The following ZNF584 variants were observed in gnomAD, a reference collection of about 807,000 sequenced individuals.
ZNF584 encodes the protein zinc finger protein 584.
A neutral mutation model predicts 14.7 loss-of-function variants in ZNF584; 12 were observed. The ratio of observed to expected loss-of-function variants is 0.82; its 90% CI spans 0.52 to 1.32. The LOEUF (loss-of-function observed/expected upper bound fraction) is 1.32. Among genes scored for constraint, ZNF584 ranks in the 40% most tolerant of loss-of-function variants. The pLI is 0.00. For missense variants in ZNF584, 478 were observed against 518.8 expected, an observed-to-expected ratio of 0.92 and a Z score of 0.76; for synonymous variants, 204 against 190.9, an observed-to-expected ratio of 1.07 and a Z score of -0.57.
intron 2 of ZNF584, among the ~76,000 whole-genome samples, chr19:58,412,772 G>A (rs1002214612): frequency 6.6e-6 from 1 of 152,188 alleles, no homozygotes; most frequent in South Asian, 2.1e-4. Flanking sequence ...AAGCCATCAG[G>A]GCTTGGGGTT....
chr19:58,406,334 G>T (rs1366827407), upstream of ZNF584: 1 of 72,958 alleles, frequency 1.4e-5, no homozygotes, highest in Non-Finnish European at 3.1e-5. Flanking sequence ...GAGGGAGACC[G>T]TGGAAAGAGC....
chr19:58,415,440 T>C lies in ZNF584; in HGVS notation c.170-84T>C. ...TGCGAACGTCTGGGTTTAAGTGATC[T>C]CCTACCTCACTTTCCAAAGTGCTGG... On this transcript the variant is annotated intron_variant, in intron 2 of 3. Coordinates refer to ENST00000306910, the MANE Select transcript of ZNF584 (RefSeq NM_173548.3). 2.6e-6 allele frequency: 4 copies of C among 1,520,908 alleles called. No individual in the cohort carries two copies. In the South Asian group the frequency reaches 5.0e-5, roughly 19 times the overall value. The allele number at this position is 1,520,908 out of a possible 1,614,324, so 94.2% of individuals were successfully genotyped here.
intron 2 of ZNF584, among the ~76,000 whole-genome samples, chr19:58,415,083 G>GAT (rs1317959720): frequency 4.0e-5 from 6 of 151,434 alleles, no homozygotes; most frequent in South Asian, 4.2e-4. Context: ...TTAGTAGAAG[G>GAT]GGGGTTTCAC....
intron 2 of ZNF584, among the ~76,000 whole-genome samples, chr19:58,413,363 C>CT (rs1166889755): frequency 2.0e-5 from 3 of 147,806 alleles, no homozygotes; most frequent in Non-Finnish European, 3.0e-5. Flanking sequence ...TTTAATTTTT[C>CT]TTTTTGAGAT....
chr19:58,402,427 G>T (rs898975209), intron 1 of ZNF584, among the ~76,000 whole-genome samples: 1 of 152,232 alleles, frequency 6.6e-6, no homozygotes, highest in African/African-American at 2.4e-5. Context: ...TTCACATTAA[G>T]TACTTCTCCA....
Position 58,409,120 on chromosome 19 carries a change from A to C in ZNF584, c.-28A>C. On this transcript the variant is annotated 5_prime_UTR_variant, in exon 1 of 4. Transcript: ENST00000306910. ...GCGTTTCGGCTGAGGCCGTGGGTCCAGTCCACGGGTTCTGCCCGCACGGTC... is the reference window on the plus strand; with the variant it reads ...GCGTTTCGGCTGAGGCCGTGGGTCCCGTCCACGGGTTCTGCCCGCACGGTC... 6.8e-7 allele frequency: 1 copy of C among 1,466,596 alleles called. No individual in the cohort carries two copies. Among genetic ancestry groups the C allele is most frequent in the Non-Finnish European group, 9.1e-7 (1 of 1,100,084 alleles). 90.8% of individuals were successfully genotyped at this position (1,466,596 alleles called of 1,614,324 possible). A position where few individuals can be genotyped will look rare whatever the true frequency, so the allele number is the denominator to read the frequency against.
intron 2 of ZNF584, among the ~76,000 whole-genome samples, chr19:58,412,658 C>T (rs1244345989): frequency 6.6e-6 from 1 of 152,166 alleles, no homozygotes; most frequent in Non-Finnish European, 1.5e-5. Flanking sequence ...TAATTTTGGC[C>T]TCAATGGATG....
intron 3 of ZNF584, 71 bp downstream of exon 3, chr19:58,415,717 C>A: frequency 1.2e-6 from 2 of 1,609,124 alleles, no homozygotes; most frequent in Non-Finnish European, 1.7e-6. Context: ...CTGCATACAC[C>A]GATACCTTGG....
intron 3 of ZNF584, 173 bp from the exon 4 acceptor site, chr19:58,416,638 G>A (rs745792537): frequency 1.4e-5 from 9 of 661,164 alleles, no homozygotes; most frequent in Middle Eastern, 4.4e-4. Context: ...CTGACCTCAC[G>A]TGATCTGCCC....
At chr19:58,407,904 G>A (rs914292050), upstream of ZNF584, among the ~76,000 whole-genome samples, 1 of 152,154 alleles carries the variant, frequency 6.6e-6, no homozygotes, top group African/African-American at 2.4e-5. Context: ...CCCCATACCT[G>A]AGATCACCAT....
chr19:58,415,902 T>G (rs1210719962), intron 3 of ZNF584: 2 of 1,599,072 alleles, frequency 1.3e-6, no homozygotes, highest in African/African-American at 2.7e-5. Flanking sequence ...TGTTGGCGAC[T>G]CAGTGCGTGT....
At chr19:58,415,396 C>A in intron 2 of ZNF584, 128 bp from the exon 3 acceptor site, 2 of 1,012,050 alleles carry the variant, frequency 2.0e-6, no homozygotes, top group Non-Finnish European at 2.9e-6. Flanking sequence ...TGGGGTCTTA[C>A]TGTGTTGCCC....
chr19:58,409,093 A>G lies in ZNF584; in HGVS notation c.-55A>G. The G allele has an allele frequency of 6.8e-7, 1 of 1,460,970 alleles. No homozygotes were observed. Among genetic ancestry groups the G allele is most frequent in the Non-Finnish European group, 9.1e-7 (1 of 1,096,230 alleles). 90.5% of individuals were successfully genotyped at this position (1,460,970 alleles called of 1,614,324 possible). ...GCGGCCGAGGGTTTCCGCGCCCGGG[A>G]CGCGTTTCGGCTGAGGCCGTGGGTC... On this transcript the variant is annotated 5_prime_UTR_variant, in exon 1 of 4. Coordinates refer to ENST00000306910, the MANE Select transcript of ZNF584 (RefSeq NM_173548.3).
chr19:58,415,708 T>C (rs1358733078), intron 3 of ZNF584, 62 bp downstream of exon 3: 1 of 1,608,936 alleles, frequency 6.2e-7, no homozygotes, highest in African/African-American at 1.3e-5. Context: ...GCTGAGTACC[T>C]GCATACACCG....
chr19:58,411,503 G>A (rs2052571742), intron 2 of ZNF584, among the ~76,000 whole-genome samples: 4 of 145,768 alleles, frequency 2.7e-5, no homozygotes, highest in Admixed American at 2.0e-4. Flanking sequence ...TCCAGCCTGG[G>A]CAACAAGAGT....
intron 2 of ZNF584, among the ~76,000 whole-genome samples, chr19:58,414,068 GC>G (rs1318268296): frequency 6.6e-6 from 1 of 151,518 alleles, no homozygotes; most frequent in Non-Finnish European, 1.5e-5. Flanking sequence ...TGATCCACCT[GC>G]CTCGGCCTCC....
chr19:58,402,652 A>G (rs1418991493), intron 1 of ZNF584, among the ~76,000 whole-genome samples: 3 of 151,904 alleles, frequency 2.0e-5, no homozygotes, highest in Non-Finnish European at 4.4e-5. Flanking sequence ...GAGAAACCCC[A>G]TCTGTACTAA....
rs1451783625 is a variant in ZNF584 at position 58,417,698 on chromosome 19, A to G, written c.1180A>G (p.Ser394Gly). 1 of 1,614,080 alleles carries G rather than the reference A, an allele frequency of 6.2e-7. No homozygotes were observed. ...AGAGTGTGGGAAGGCCTTCAAACAT[A>G]GTTCCACCCTCCTTCAGCACAAGAA... ...CTECGKAFKH[S>G]STLLQHKKVH... The change falls in exon 4 of 4, where the codon AGT becomes GGT. Residue 394 changes from serine (S) to glycine (G), a missense_variant. By Grantham distance (56) the Ser-to-Gly change is moderately conservative. Around this residue, in one of 3 missense-constraint regions of ZNF584, gnomAD observed 283 missense variants for 317.3 expected, o/e 0.89. Transcript: ENST00000306910.
chr19:58,413,512 ATTT>A (rs766038598), intron 2 of ZNF584, among the ~76,000 whole-genome samples: 1 of 135,900 alleles, frequency 7.4e-6, no homozygotes. Context: ...TGCCTGGCTA[ATTT>A]TTTTTTTTTT....
Sources: allele counts gnomAD v4.1 joint callset (sites outside exome capture counted in the v4.1 genomes callset), GRCh38; gene constraint gnomAD v4.1.1; regional missense constraint gnomAD v4.1.1; transcripts MANE v1.5; gene names NCBI Gene and HGNC (gene_info 2026-07-23, HGNC 2026-07-21).